The following PARD3 variants were observed in gnomAD, a reference collection of about 807,000 sequenced individuals.
PARD3 encodes the protein par-3 family cell polarity regulator.
A neutral mutation model predicts 155.4 loss-of-function variants in PARD3; 75 were observed. That is an observed-to-expected ratio of 0.48 (90% CI 0.40 to 0.58). The LOEUF (loss-of-function observed/expected upper bound fraction) is 0.58, where lower values mean the gene tolerates loss of function less well. Ranked by LOEUF, PARD3 falls within the 20% of genes least tolerant of loss-of-function variation. The pLI is 0.00. For missense variants in PARD3, 1,642 were observed against 1,721.7 expected, an observed-to-expected ratio of 0.95 and a Z score of 0.82; for synonymous variants, 576 against 610.5, an observed-to-expected ratio of 0.94 and a Z score of 0.83.
Position 34,282,240 on chromosome 10 carries a change from CTTAAA to C in PARD3, c.3176+1890_3176+1894del, listed in dbSNP as rs533721519. Among the ~76,000 whole-genome samples, 949 of 152,146 alleles carry C rather than the reference CTTAAA, an allele frequency of 6.2e-3. 5 individuals carry two copies. Among genetic ancestry groups the C allele is most frequent in the Non-Finnish European group, 9.8e-3 (663 of 67,972 alleles). On this transcript the variant is annotated intron_variant, in intron 21 of 24. Transcript: ENST00000374788. ...TACAAAGTCAAAGTATAATAATTTT[CTTAAA>C]TTATGAGCCTAATTGACTTTTTAAT...
chr10:34,786,335 G>GC (rs1372362575), intron 1 of PARD3, among the ~76,000 whole-genome samples: 24 of 151,996 alleles, frequency 1.6e-4, no homozygotes, highest in Non-Finnish European at 8.8e-5. Flanking sequence ...TTGTGTTCTG[G>GC]CCAAAGCTTT....
chr10:34,580,318 G>A (rs1038550639), intron 2 of PARD3, among the ~76,000 whole-genome samples: 4 of 151,930 alleles, frequency 2.6e-5, no homozygotes, highest in African/African-American at 4.8e-5. Context: ...TAGATCACTC[G>A]AGACCAGCCT....
intron 4 of PARD3, among the ~76,000 whole-genome samples, chr10:34,458,741 G>T (rs918990675): frequency 1.1e-4 from 16 of 152,146 alleles, no homozygotes; most frequent in African/African-American, 3.1e-4. Context: ...TTACAAAAAT[G>T]TTGTCCACTC....
At chr10:34,729,088 T>C (rs184455816) in intron 1 of PARD3, among the ~76,000 whole-genome samples, 2 of 152,358 alleles carry the variant, frequency 1.3e-5, no homozygotes, top group Admixed American at 6.5e-5. Context: ...CAGTAGGCTC[T>C]GCAACCTAGG....
chr10:34,515,767 G>A (rs2081692585), intron 3 of PARD3, among the ~76,000 whole-genome samples: 1 of 152,034 alleles, frequency 6.6e-6, no homozygotes, highest in Non-Finnish European at 1.5e-5. Context: ...TGCATTTTTA[G>A]AAGAATAAAT....
At chr10:34,781,914 CG>C (rs1241071937) in intron 1 of PARD3, among the ~76,000 whole-genome samples, 1 of 152,162 alleles carries the variant, frequency 6.6e-6, no homozygotes, top group Non-Finnish European at 1.5e-5. Flanking sequence ...TGTTCTTGAA[CG>C]TTTTAGACAA....
At chr10:34,428,345 T>C (rs1256955591) in intron 5 of PARD3, among the ~76,000 whole-genome samples, 1 of 152,122 alleles carries the variant, frequency 6.6e-6, no homozygotes, top group African/African-American at 2.4e-5. Flanking sequence ...TACCAAAAAT[T>C]GCTTTATTGC....
chr10:34,509,782 C>T lies in PARD3; in HGVS notation c.403+7197G>A, dbSNP rs535834361. On this transcript the variant is annotated intron_variant, in intron 3 of 24. Transcript: ENST00000374788. ...AAAAACAAACAACAAACACACGCAT[C>T]GAAAAAATGACAAAACAACAAAAAA... 2.6e-5 allele frequency among the ~76,000 whole-genome samples: 4 copies of T among 151,612 alleles called. No homozygotes were observed. In the East Asian group the frequency reaches 5.8e-4, roughly 22 times the overall value.
intron 6 of PARD3, 88 bp downstream of exon 6, chr10:34,401,738 C>G (rs1843903191): frequency 1.0e-5 from 9 of 862,858 alleles, no homozygotes; most frequent in Middle Eastern, 2.2e-4. Context: ...CACAAACATT[C>G]CTCATGCCAT....
At chr10:34,261,765 G>GAAGAAAGGAAGA (rs1954995644) in intron 22 of PARD3, among the ~76,000 whole-genome samples, 3 of 130,528 alleles carry the variant, frequency 2.3e-5, no homozygotes, top group African/African-American at 8.4e-5. Context: ...AGAAAGGAAG[G>GAAGAAAGGAAGA]AAGGAAGAAA....
Position 34,111,178 on chromosome 10 carries a change from G to C in PARD3, c.4053C>G (p.Phe1351Leu). Reference sequence around the variant, plus strand: ...TCCGTTATTTGCGTGCTCAGGAATAGAAGGGCCTCCCTTTCTCAGGAGTCT... The same window carrying C: ...TCCGTTATTTGCGTGCTCAGGAATACAAGGGCCTCCCTTTCTCAGGAGTCT... ...RLQTPEKGRP[F>L]YS Residue 1351 changes from phenylalanine to leucine, a missense_variant, in exon 25 of 25, where the codon TTC becomes TTG. Physicochemically the swap from Phe to Leu is conservative, Grantham distance 22. This residue lies in a region of PARD3 where 1,529 missense variants were observed against 1,587.3 expected (regional missense o/e 0.96). Transcript: ENST00000374788. 1 of 1,551,336 alleles carries C rather than the reference G, an allele frequency of 6.4e-7. No individual in the cohort carries two copies. Among genetic ancestry groups the C allele is most frequent in the East Asian group, 2.3e-5 (1 of 43,860 alleles).
intron 2 of PARD3, among the ~76,000 whole-genome samples, chr10:34,594,041 T>G (rs1051971394): frequency 2.0e-5 from 3 of 152,160 alleles, no homozygotes; most frequent in Admixed American, 6.5e-5. Context: ...TTTCATAGAT[T>G]TGCATTTATT....
chr10:34,715,724 A>G (rs1371759778), intron 1 of PARD3, among the ~76,000 whole-genome samples: 1 of 152,204 alleles, frequency 6.6e-6, no homozygotes, highest in Non-Finnish European at 1.5e-5. Flanking sequence ...CATTCCACAA[A>G]TATTCACGAA....
At chr10:34,787,803 G>C (rs1332366358) in intron 1 of PARD3, among the ~76,000 whole-genome samples, 4 of 150,990 alleles carry the variant, frequency 2.6e-5, no homozygotes, top group Admixed American at 1.3e-4. Context: ...TTTTGAGACA[G>C]GGTGTCACTC....
chr10:34,779,275 C>T (rs944146773), intron 1 of PARD3, among the ~76,000 whole-genome samples: 1 of 151,668 alleles, frequency 6.6e-6, no homozygotes, highest in Admixed American at 6.6e-5. Context: ...CACTGCACTC[C>T]AGCCTGGGTG....
chr10:34,341,091 G>C (rs573724265), intron 16 of PARD3, among the ~76,000 whole-genome samples: 1 of 148,440 alleles, frequency 6.7e-6, no homozygotes, highest in Non-Finnish European at 1.5e-5. Flanking sequence ...TATTTTGAAA[G>C]ACACAGGAAA....
chr10:34,290,249 T>A (rs1589070611), intron 20 of PARD3, among the ~76,000 whole-genome samples: 1 of 152,288 alleles, frequency 6.6e-6, no homozygotes, highest in South Asian at 2.1e-4. Flanking sequence ...ACAGTGTTTT[T>A]AAAAAAGTCT....
chr10:34,703,568 A>T (rs1173298419), intron 1 of PARD3, among the ~76,000 whole-genome samples: 7 of 152,210 alleles, frequency 4.6e-5, no homozygotes, highest in African/African-American at 1.7e-4. Context: ...AGAATTGGGA[A>T]AACAGAGAAA....
chr10:34,334,983 G>C (rs907502912), intron 18 of PARD3, among the ~76,000 whole-genome samples: 7 of 151,804 alleles, frequency 4.6e-5, no homozygotes, highest in African/African-American at 7.2e-5. Context: ...ATGAAGTCAG[G>C]TCCTTTACCT....
Sources: gnomAD v4.1 joint callset for allele counts (sites outside exome capture counted in the v4.1 genomes callset) on GRCh38, gnomAD v4.1.1 for gene constraint, gnomAD v4.1.1 regional missense constraint, MANE v1.5 for transcripts, NCBI Gene and HGNC (gene_info 2026-07-23, HGNC 2026-07-21) for gene names.